AP1M2: variants seen among roughly 807,000 people sequenced by gnomAD.
AP1M2 encodes AP-1 complex subunit mu-2.
Under a neutral mutation model 54.6 loss-of-function variants are expected in AP1M2, and 41 were observed. The observed-to-expected ratio is 0.75, with a 90% CI of 0.59 to 0.97. AP1M2 has a LOEUF of 0.97. Among genes scored for constraint, AP1M2 ranks in the 50% least tolerant of loss-of-function variants. AP1M2 has a pLI of 0.00. For missense variants in AP1M2, 507 were observed against 561.2 expected (o/e 0.90, Z 0.98); for synonymous variants, 219 against 215.9 (o/e 1.01, Z -0.13).
At position 10,584,016 on chromosome 19, in the gene AP1M2, A is replaced by G. The variant is rs762045609; in HGVS notation, c.97T>C (p.Phe33Leu). 1 of 1,610,624 alleles carries G rather than the reference A, an allele frequency of 6.2e-7. No homozygotes were observed. ...TCCCGCTGTACCAGCAAAGGCATGA[A>G]GTGCTCAATCTTGCTCATGGCCACA... ...GDVAMSKIEHFMPLLVQREEE... is the reference protein window; with the variant it reads ...GDVAMSKIEHLMPLLVQREEE... The change falls in exon 2 of 12, where the codon TTC becomes CTC. Residue 33 changes from phenylalanine to leucine, a missense_variant. Physicochemically the swap from Phe to Leu is conservative, Grantham distance 22. Coordinates refer to ENST00000250244, the MANE Select transcript of AP1M2 (RefSeq NM_005498.5).
At chr19:10,575,377 GT>G (rs200997223) in intron 9 of AP1M2, among the ~76,000 whole-genome samples, 1 of 152,038 alleles carries the variant, frequency 6.6e-6, no homozygotes, top group African/African-American at 2.4e-5. Context: ...CCCAATCAGG[GT>G]TTTTTTCTTT....
chr19:10,575,112 T>A (rs1917189907), intron 9 of AP1M2, 83 bp from the exon 10 acceptor site: 2 of 1,361,694 alleles, frequency 1.5e-6, no homozygotes, highest in African/African-American at 3.0e-5. Flanking sequence ...TGGAGTCAGA[T>A]CTGCTCACAG....
In AP1M2 at chr19:10,584,019, G is replaced by T; in HGVS notation, c.94C>A (p.His32Asn). 6.2e-7 allele frequency: 1 copy of T among 1,610,390 alleles called. No homozygotes were observed. Among genetic ancestry groups the T allele is most frequent in the Non-Finnish European group, 8.5e-7 (1 of 1,178,486 alleles). Residue 32 changes from histidine (H) to asparagine (N), a missense_variant, in exon 2 of 12, where the codon CAC becomes AAC. Coordinates refer to ENST00000250244, the MANE Select transcript of AP1M2 (RefSeq NM_005498.5). Reference sequence around the variant, plus strand: ...CGCTGTACCAGCAAAGGCATGAAGTGCTCAATCTTGCTCATGGCCACATCG... The same window carrying T: ...CGCTGTACCAGCAAAGGCATGAAGTTCTCAATCTTGCTCATGGCCACATCG... ...KGDVAMSKIEHFMPLLVQREE... is the reference protein window; with the variant it reads ...KGDVAMSKIENFMPLLVQREE...
chr19:10,583,559 A>AT (rs1453393481), intron 3 of AP1M2, 47 bp downstream of exon 3: 2 of 1,406,572 alleles, frequency 1.4e-6, no homozygotes, highest in African/African-American at 1.4e-5. Context: ...GGCGGGCAAG[A>AT]GGGATAGACG....
Position 10,574,951 on chromosome 19 carries a change from T to G in AP1M2, c.1126A>C (p.Ile376Leu). Residue 376 changes from isoleucine (I) to leucine (L), a missense_variant, in exon 10 of 12, where the codon ATC becomes CTC. Physicochemically the swap from Ile to Leu is conservative, Grantham distance 5. Transcript: ENST00000250244. ...EKEEVEGRPP[I>L]GVKFEIPYFT... ...TAGGGGATCTCAAACTTGACCCCGA[T>G]GGGGGGCCGGCCCTCCACCTCTTCC... 6.3e-7 allele frequency: 1 copy of G among 1,596,744 alleles called. No individual in the cohort carries two copies.
chr19:10,574,040 T>G (rs1382286338), intron 11 of AP1M2, among the ~76,000 whole-genome samples: 2 of 151,972 alleles, frequency 1.3e-5, no homozygotes, highest in African/African-American at 4.8e-5. Flanking sequence ...TCTTTTTCAT[T>G]TTTTGAGACA....
chr19:10,574,357 C>G (rs938804311), intron 11 of AP1M2, 60 bp downstream of exon 11: 12 of 1,343,676 alleles, frequency 8.9e-6, no homozygotes, highest in East Asian at 2.6e-5. Flanking sequence ...GTGAAAGCCT[C>G]GAGTCCCTAC....
In AP1M2 at chr19:10,577,281, A is replaced by C. The variant is rs1026668173; in HGVS notation, c.964T>G (p.Ser322Ala). The C allele has an allele frequency of 6.2e-7, 1 of 1,612,728 alleles. No individual in the cohort carries two copies. The highest frequency in any genetic ancestry group is 1.3e-5 in the African/African-American group (1 of 74,892). The change falls in exon 9 of 12, where the codon TCC becomes GCC. Residue 322 changes from serine (S) to alanine (A), a missense_variant. Coordinates refer to ENST00000250244, the MANE Select transcript of AP1M2 (RefSeq NM_005498.5). ...CCCACACTGGTCTTGAATCTGGGGG[A>C]GTCGGCATCGCTGGGTACAGGCACA... Reference protein sequence around the residue: ...ISVPVPSDADSPRFKTSVGSA... With the variant: ...ISVPVPSDADAPRFKTSVGSA...
chr19:10,579,007 A>G (rs776594603), intron 7 of AP1M2, 44 bp from the exon 8 acceptor site: 1 of 1,164,798 alleles, frequency 8.6e-7, no homozygotes, highest in East Asian at 2.7e-5. Flanking sequence ...CTCCATGTTG[A>G]CTCTCTTCTT....
intron 9 of AP1M2, among the ~76,000 whole-genome samples, chr19:10,576,950 C>T (rs991922057): frequency 6.6e-6 from 1 of 152,054 alleles, no homozygotes; most frequent in East Asian, 1.9e-4. Context: ...TGAGCCACTG[C>T]GCCCAGCTCC....
chr19:10,581,166 C>G (rs947255338), intron 6 of AP1M2, 100 bp downstream of exon 6: 22 of 1,481,456 alleles, frequency 1.5e-5, no homozygotes, highest in Middle Eastern at 2.5e-4. Flanking sequence ...TGAGCGAGCG[C>G]TTATTTCAAA....
In AP1M2 at chr19:10,581,292, T is replaced by A. The variant is rs1247116719; in HGVS notation, c.647A>T (p.Asp216Val). ...GMPELRLGLN[D>V]RVLFELTGRS... ...GCCAGTGAGCTCGAAGAGCACGCGG[T>A]CATTGAGGCCCAGCCGCAGCTCTGG... is the stretch of plus-strand genomic sequence containing the variant. The change falls in exon 6 of 12, where the codon GAC (aspartate) becomes GTC (valine). Residue 216 changes from aspartate (D) to valine (V), a missense_variant. Coordinates refer to ENST00000250244, the MANE Select transcript of AP1M2 (RefSeq NM_005498.5). 1 of 1,613,442 alleles carries A rather than the reference T, an allele frequency of 6.2e-7. No homozygotes were observed. The highest frequency in any genetic ancestry group is 8.5e-7 in the Non-Finnish European group (1 of 1,179,590).
At chr19:10,583,778 G>C (rs966617096) in intron 2 of AP1M2, 105 bp from the exon 3 acceptor site, 5 of 1,477,344 alleles carry the variant, frequency 3.4e-6, no homozygotes, top group Non-Finnish European at 3.7e-6. Flanking sequence ...ATCTCTACCT[G>C]CCCCTGCCCC....
Position 10,581,397 on chromosome 19 carries a change from G to A in AP1M2, c.547-5C>T. Reference sequence around the variant, plus strand: ...GACGCTGCCGTTGGCATTGACCTGAGGGAGGACGTTGGGTATAGTTAGCAG... The same window carrying A: ...GACGCTGCCGTTGGCATTGACCTGAAGGAGGACGTTGGGTATAGTTAGCAG... On this transcript the variant is annotated splice_region_variant and splice_polypyrimidine_tract_variant and intron_variant, in intron 5 of 11. Transcript: ENST00000250244. 5 of 1,610,360 alleles carry A rather than the reference G, an allele frequency of 3.1e-6. No homozygotes were observed. The highest frequency in any genetic ancestry group is 4.2e-6 in the Non-Finnish European group (5 of 1,176,974).
chr19:10,577,324 G>A lies in AP1M2; in HGVS notation c.921C>T (p.Ala307=), dbSNP rs1410734784. Residue 307 remains alanine, a synonymous_variant, in exon 9 of 12, where the codon GCC becomes GCT. Coordinates refer to ENST00000250244, the MANE Select transcript of AP1M2 (RefSeq NM_005498.5). Reference sequence around the variant, plus strand: ...CAGGCACAGATATCTCCACACCGTTGGCCACTGACTGTTTCTTAAACTGCC... The same window carrying A: ...CAGGCACAGATATCTCCACACCGTTAGCCACTGACTGTTTCTTAAACTGCC... ...AKGQFKKQSV[A]NGVEISVPVP... 1 of 1,609,892 alleles carries A rather than the reference G, an allele frequency of 6.2e-7. No individual in the cohort carries two copies. The highest frequency in any genetic ancestry group is 2.2e-5 in the East Asian group (1 of 44,808).
At chr19:10,573,170 G>C in intron 11 of AP1M2, 82 bp from the exon 12 acceptor site, 1 of 1,360,092 alleles carries the variant, frequency 7.4e-7, no homozygotes, top group Non-Finnish European at 1.0e-6. Context: ...TATAATCCCA[G>C]CACTTTGGGA....
intron 11 of AP1M2, 104 bp from the exon 12 acceptor site, chr19:10,573,192 G>T: frequency 9.1e-7 from 1 of 1,096,662 alleles, no homozygotes. Flanking sequence ...GTCGAGGCAG[G>T]TGGATCACTT....
At chr19:10,573,156 C>A in intron 11 of AP1M2, 68 bp from the exon 12 acceptor site, 1 of 1,431,768 alleles carries the variant, frequency 7.0e-7, no homozygotes, top group African/African-American at 1.4e-5. Context: ...CGGTGACTCA[C>A]GCTTATAATC....
Position 10,577,221 on chromosome 19 carries a change from T to A in AP1M2, c.1024A>T (p.Ile342Phe), listed in dbSNP as rs1329358410. Reference protein sequence around the residue: ...AKYVPERNVVIWSIKSFPGGK... With the variant: ...AKYVPERNVVFWSIKSFPGGK... ...ACCGGGAAAGACTTAATACTCCAAA[T>A]CACGACGTTTCTCTCCGGCACATAC... The change falls in exon 9 of 12, where the codon ATT (isoleucine) becomes TTT (phenylalanine). Residue 342 changes from isoleucine (I) to phenylalanine (F), a missense_variant. Ile to Phe is a conservative substitution (Grantham distance 21). Coordinates refer to ENST00000250244, the MANE Select transcript of AP1M2 (RefSeq NM_005498.5). 1 of 1,609,996 alleles carries A rather than the reference T, an allele frequency of 6.2e-7. No homozygotes were observed. Among genetic ancestry groups the A allele is most frequent in the Non-Finnish European group, 8.5e-7 (1 of 1,177,968 alleles).
Sources: gnomAD v4.1 joint callset for allele counts (sites outside exome capture counted in the v4.1 genomes callset) on GRCh38, gnomAD v4.1.1 for gene constraint, MANE v1.5 for transcripts, NCBI Gene and HGNC (gene_info 2026-07-23, HGNC 2026-07-21) for gene names.